Variants in CRACD observed in about 807,000 individuals in gnomAD.
CRACD encodes the protein capping protein-inhibiting regulator of actin dynamics.
In CRACD, 56 loss-of-function variants were observed where a neutral mutation model predicts 106.8. That is an observed-to-expected ratio of 0.52 (90% confidence interval 0.42 to 0.66). The LOEUF (loss-of-function observed/expected upper bound fraction) is 0.66. CRACD is among the 30% of genes least tolerant of loss of function. The pLI, the probability that CRACD is intolerant of heterozygous loss-of-function variation, is 0.00. For missense variants in CRACD, 1,730 were observed against 1,623.2 expected (o/e 1.07, Z -1.13); for synonymous variants, 754 against 670.8 (o/e 1.12, Z -1.92).
intron 1 of CRACD, among the ~76,000 whole-genome samples, chr4:56,067,637 A>G (rs990576253): frequency 2.0e-5 from 3 of 152,086 alleles, no homozygotes; most frequent in Non-Finnish European, 4.4e-5. Flanking sequence ...GTGCAGTGGC[A>G]TGGTCTCGGC....
chr4:56,241,165 G>A (rs1740346574), intron 2 of CRACD, among the ~76,000 whole-genome samples: 1 of 152,192 alleles, frequency 6.6e-6, no homozygotes, highest in African/African-American at 2.4e-5. Flanking sequence ...ACTGCAGTGT[G>A]GTTATTCAGT....
chr4:56,295,895 A>T (rs1371991462), intron 3 of CRACD, among the ~76,000 whole-genome samples: 1 of 152,076 alleles, frequency 6.6e-6, no homozygotes, highest in Non-Finnish European at 1.5e-5. Flanking sequence ...TTTGTGACAT[A>T]GGTCCCAGGT....
intron 4 of CRACD, chr4:56,301,250 A>G: frequency 4.7e-6 from 6 of 1,284,594 alleles, no homozygotes; most frequent in Non-Finnish European, 6.1e-6. Context: ...TGTTCCTGGT[A>G]AGTCGTAGAA....
intron 4 of CRACD, 126 bp from the exon 5 acceptor site, chr4:56,307,409 T>C: frequency 1.3e-6 from 1 of 750,826 alleles, no homozygotes; most frequent in South Asian, 2.2e-5. Context: ...TGGCATGGTG[T>C]TGAGTCTAGA....
chr4:56,197,052 G>T (rs1006567949), intron 2 of CRACD, among the ~76,000 whole-genome samples: 20 of 152,018 alleles, frequency 1.3e-4, no homozygotes, highest in Non-Finnish European at 2.8e-4. Context: ...AGGGATAGGG[G>T]ATTTAGTTAA....
At chr4:56,222,444 G>A (rs770700409) in intron 2 of CRACD, among the ~76,000 whole-genome samples, 3 of 152,146 alleles carry the variant, frequency 2.0e-5, no homozygotes, top group Non-Finnish European at 4.4e-5. Flanking sequence ...TACGGTGTAT[G>A]CTACTTGGGT....
chr4:56,167,505 C>A (rs1736197636), intron 1 of CRACD, among the ~76,000 whole-genome samples: 1 of 152,158 alleles, frequency 6.6e-6, no homozygotes. Context: ...ACCCTTTGAC[C>A]AGCATCTGCC....
intron 2 of CRACD, among the ~76,000 whole-genome samples, chr4:56,258,618 G>A (rs1741511032): frequency 6.6e-6 from 1 of 152,174 alleles, no homozygotes. Context: ...CCACCCAAAA[G>A]CAATAATGCT....
intron 1 of CRACD, among the ~76,000 whole-genome samples, chr4:56,137,265 C>T (rs941988480): frequency 2.0e-5 from 3 of 151,182 alleles, no homozygotes; most frequent in Non-Finnish European, 4.4e-5. Flanking sequence ...GAGGGAGACC[C>T]TGCTTCAAAG....
At chr4:56,076,637 G>C (rs997647459) in intron 1 of CRACD, among the ~76,000 whole-genome samples, 1 of 152,182 alleles carries the variant, frequency 6.6e-6, no homozygotes, top group African/African-American at 2.4e-5. Context: ...TGGAAAGACA[G>C]GTCCCTACCC....
intron 3 of CRACD, among the ~76,000 whole-genome samples, chr4:56,282,640 C>G (rs1244914953): frequency 6.6e-6 from 1 of 152,146 alleles, no homozygotes; most frequent in Non-Finnish European, 1.5e-5. Context: ...AATCTGAGTC[C>G]CTTTTTCTCT....
At chr4:56,222,725 C>T (rs571193727) in intron 2 of CRACD, among the ~76,000 whole-genome samples, 11 of 151,996 alleles carry the variant, frequency 7.2e-5, no homozygotes, top group Middle Eastern at 3.4e-3. Context: ...GCTGGTGAAT[C>T]ACTTGAGTTC....
chr4:56,238,677 C>G (rs1437056084), intron 2 of CRACD, among the ~76,000 whole-genome samples: 1 of 152,176 alleles, frequency 6.6e-6, no homozygotes, highest in Non-Finnish European at 1.5e-5. Flanking sequence ...AGATACTGTA[C>G]AGTGATGAAA....
At position 56,313,265 on chromosome 4, in the gene CRACD, C is replaced by T. The variant is rs1745273955; in HGVS notation, c.423C>T (p.Asn141=). ...CTGCTGGCACCATCGAAAGTGTCAA[C>T]TTAGATGCCATCCCCCTGGCCATCG... ...FSSAGTIESV[N]LDAIPLAIAR... is the part of the protein sequence containing the mutation. The change falls in exon 7 of 11, where the codon AAC becomes AAT. Residue 141 remains asparagine, a synonymous_variant. Transcript: ENST00000682029. The T allele has an allele frequency of 6.2e-7, 1 of 1,614,208 alleles. No homozygotes were observed. The highest frequency in any genetic ancestry group is 8.5e-7 in the Non-Finnish European group (1 of 1,180,036).
chr4:56,280,169 G>A (rs1331602702), intron 3 of CRACD, among the ~76,000 whole-genome samples: 13 of 150,528 alleles, frequency 8.6e-5, no homozygotes, highest in African/African-American at 3.2e-4. Context: ...GGGAGGGATA[G>A]CATTAGGACA....
intron 1 of CRACD, among the ~76,000 whole-genome samples, chr4:56,174,998 TTCAC>T (rs1485885357): frequency 6.6e-6 from 1 of 152,130 alleles, no homozygotes; most frequent in African/African-American, 2.4e-5. Flanking sequence ...CTTGTGAGAA[TTCAC>T]TCACTATCAC....
intron 1 of CRACD, among the ~76,000 whole-genome samples, chr4:56,107,991 G>A (rs1319311637): frequency 3.3e-5 from 5 of 152,134 alleles, no homozygotes; most frequent in Non-Finnish European, 5.9e-5. Flanking sequence ...CTAAGCATGT[G>A]GGGCATCCTG....
At chr4:56,124,342 C>T (rs1734589881) in intron 1 of CRACD, among the ~76,000 whole-genome samples, 1 of 152,198 alleles carries the variant, frequency 6.6e-6, no homozygotes, top group African/African-American at 2.4e-5. Flanking sequence ...CAGTTATCAG[C>T]ATGTGACCAA....
At chr4:56,126,872 A>G (rs1228646874) in intron 1 of CRACD, among the ~76,000 whole-genome samples, 2 of 152,334 alleles carry the variant, frequency 1.3e-5, no homozygotes, top group East Asian at 1.9e-4. Flanking sequence ...ACTAGCATCT[A>G]GGGCTGGTTG....
Sources: gnomAD v4.1 joint callset for allele counts (sites outside exome capture counted in the v4.1 genomes callset) on GRCh38, gnomAD v4.1.1 for gene constraint, MANE v1.5 for transcripts, NCBI Gene and HGNC (gene_info 2026-07-23, HGNC 2026-07-21) for gene names.